KANK4: variants seen among roughly 807,000 people sequenced by gnomAD.
KANK4 encodes KN motif and ankyrin repeat domains 4, also known as KN motif and ankyrin repeat domain-containing protein 4.
In KANK4, 50 loss-of-function variants were observed where a neutral mutation model predicts 80.8. The observed-to-expected ratio is 0.62, with a 90% CI of 0.49 to 0.78. The LOEUF is 0.78. KANK4 is among the 30% of genes least tolerant of loss of function. The pLI, the probability that KANK4 is intolerant of heterozygous loss-of-function variation, is 0.00. For synonymous variants in KANK4, 465 were observed against 506.9 expected, an observed-to-expected ratio of 0.92 and a Z score of 1.11; for missense variants, 1,196 against 1,240.1, an observed-to-expected ratio of 0.96 and a Z score of 0.53.
Position 62,273,231 on chromosome 1 carries a change from G to T in KANK4, c.1873C>A (p.Pro625Thr). Residue 625 changes from proline (P) to threonine (T), a missense_variant, in exon 3 of 10, where the codon CCG becomes ACG. Pro to Thr is a conservative substitution (Grantham distance 38). Transcript: ENST00000371153. ...ACTGGCGGGGAGGAGGAGGAGGCCG[G>T]TGGCTCCTTGGGTGGGTGAGCCTGG... ...SAQAHPPKEP[P>T]ASSSSPPVEI... 2 of 1,518,190 alleles carry T rather than the reference G, an allele frequency of 1.3e-6. No individual in the cohort carries two copies. The highest frequency in any genetic ancestry group is 1.3e-5 in the South Asian group (1 of 75,576). 94.0% of individuals were successfully genotyped at this position (1,518,190 alleles called of 1,614,324 possible). A position where few individuals can be genotyped will look rare whatever the true frequency, so the allele number is the denominator to read the frequency against.
chr1:62,253,345 A>G (rs903057419), intron 7 of KANK4, 136 bp from the exon 8 acceptor site: 15 of 631,504 alleles, frequency 2.4e-5, no homozygotes, highest in African/African-American at 2.3e-4. Context: ...AGCTGGAGCC[A>G]GTGGTTTACA....
intron 1 of KANK4, among the ~76,000 whole-genome samples, chr1:62,288,339 G>A (rs1672612788): frequency 6.6e-6 from 1 of 152,226 alleles, no homozygotes; most frequent in Non-Finnish European, 1.5e-5. Flanking sequence ...TGGGGGCTAG[G>A]CCAGAGGGGA....
chr1:62,280,947 A>G (rs1011608447), intron 2 of KANK4, among the ~76,000 whole-genome samples: 2 of 152,044 alleles, frequency 1.3e-5, no homozygotes, highest in African/African-American at 4.8e-5. Context: ...AGACTGGAAC[A>G]TTATCTGCAC....
At chr1:62,271,387 C>T in intron 4 of KANK4, 91 bp downstream of exon 4, 1 of 862,874 alleles carries the variant, frequency 1.2e-6, no homozygotes, top group Admixed American at 1.9e-5. Context: ...GAATGAAAAC[C>T]AGATGCCTCC....
chr1:62,260,095 TCTC>T (rs10549488), intron 7 of KANK4, among the ~76,000 whole-genome samples: 9,278 of 152,238 alleles, frequency 0.061, 428 homozygotes, highest in East Asian at 0.16. Flanking sequence ...ACCTCCCTGC[TCTC>T]CTCAACATCT....
intron 4 of KANK4, 134 bp from the exon 5 acceptor site, chr1:62,268,639 G>T: frequency 1.4e-6 from 1 of 703,864 alleles, no homozygotes; most frequent in South Asian, 1.7e-5. Context: ...TACACCTGCC[G>T]GCAGGGTGAC....
At chr1:62,250,421 A>G (rs1365792620) in intron 8 of KANK4, among the ~76,000 whole-genome samples, 2 of 152,240 alleles carry the variant, frequency 1.3e-5, no homozygotes, top group African/African-American at 4.8e-5. Context: ...GAGCATTTAT[A>G]GAGAGCTACT....
At chr1:62,296,369 C>T (rs182024808) in intron 1 of KANK4, among the ~76,000 whole-genome samples, 259 of 152,250 alleles carry the variant, frequency 1.7e-3, no homozygotes, top group African/African-American at 5.7e-3. Flanking sequence ...CTCTCTCTGG[C>T]CCCTTCATTG....
chr1:62,307,811 T>C (rs1644465355), intron 1 of KANK4, among the ~76,000 whole-genome samples: 1 of 152,166 alleles, frequency 6.6e-6, no homozygotes, highest in African/African-American at 2.4e-5. Flanking sequence ...TAAAATCTGA[T>C]TTTTAAATGT....
chr1:62,276,523 C>A (rs1201620495), intron 2 of KANK4, among the ~76,000 whole-genome samples: 1 of 152,030 alleles, frequency 6.6e-6, no homozygotes, highest in Non-Finnish European at 1.5e-5. Context: ...TGCCTGTAAT[C>A]CCAGCTCTTT....
At chr1:62,242,322 A>C (rs1671361784) in intron 9 of KANK4, among the ~76,000 whole-genome samples, 1 of 129,078 alleles carries the variant, frequency 7.7e-6, no homozygotes, top group Non-Finnish European at 1.6e-5. Flanking sequence ...TGATCGTGCC[A>C]CTGCACTCCA....
chr1:62,239,314 A>G lies in KANK4; in HGVS notation c.2884-933T>C, dbSNP rs574832331. On this transcript the variant is annotated intron_variant, in intron 9 of 9. Coordinates refer to ENST00000371153, the MANE Select transcript of KANK4 (RefSeq NM_181712.5). ...ATGATATGCTATAAGATGTTTCTCT[A>G]TTCTTACATAGCCATTATAATGCAT... Among the ~76,000 whole-genome samples the G allele has an allele frequency of 5.9e-5, 9 of 152,166 alleles. No individual in the cohort carries two copies. In the East Asian group the frequency reaches 1.2e-3, roughly 20 times the overall value.
At position 62,274,042 on chromosome 1, in the gene KANK4, TC is replaced by T. The variant is rs1672240570; in HGVS notation, c.1061del (p.Gly354GlufsTer38). On this transcript the variant is annotated frameshift_variant, in exon 3 of 10. Transcript: ENST00000371153. LOFTEE classifies it high-confidence loss of function. ...SLKQQVSALE[G>X]ELSGRTEELA... ...GTTCCTCGGTTCTTCCAGACAACTCTCCCTCCAGGGCCGAGACCTGCTGTTT... is the reference window on the plus strand; with the variant it reads ...GTTCCTCGGTTCTTCCAGACAACTCTCCTCCAGGGCCGAGACCTGCTGTTT... The T allele has an allele frequency of 6.2e-7, 1 of 1,614,038 alleles. No homozygotes were observed.
intron 9 of KANK4, among the ~76,000 whole-genome samples, chr1:62,240,394 G>T (rs1170506989): frequency 6.6e-6 from 1 of 152,174 alleles, no homozygotes. Flanking sequence ...CAGAGGCTGG[G>T]TGCAGTGGCT....
At position 62,273,543 on chromosome 1, in the gene KANK4, C is replaced by T. The variant is rs375561479; in HGVS notation, c.1561G>A (p.Gly521Ser). Residue 521 changes from glycine (G) to serine (S), a missense_variant, in exon 3 of 10, where the codon GGC becomes AGC. By Grantham distance (56) the Gly-to-Ser change is moderately conservative. This residue lies in a region of KANK4 where 1,154 missense variants were observed against 1,179.6 expected (regional missense o/e 0.98). Coordinates refer to ENST00000371153, the MANE Select transcript of KANK4 (RefSeq NM_181712.5). ...TTTCTGTCGCTGCCCCACAGAAAGC[C>T]TCCTGCTCCCCTGGTTCCTCCCTGA... ...GPQGGTRGAG[G>S]FLWGSDRKTP... The T allele has an allele frequency of 6.2e-7, 1 of 1,613,486 alleles. No individual in the cohort carries two copies. Among genetic ancestry groups the T allele is most frequent in the African/African-American group, 1.3e-5 (1 of 74,910 alleles).
chr1:62,267,810 A>AAG lies in KANK4; in HGVS notation c.2231+476_2231+477insCT, dbSNP rs1387885309. ...GTGCAAGACTCCGTCTCAAAAAAAA[A>AAG]AAAAAAGACACATCACTTTAAAAGC... is the stretch of plus-strand genomic sequence containing the variant. On this transcript the variant is annotated intron_variant, in intron 5 of 9. Coordinates refer to ENST00000371153, the MANE Select transcript of KANK4 (RefSeq NM_181712.5). Among the ~76,000 whole-genome samples, 5 of 151,734 alleles carry AAG rather than the reference A, an allele frequency of 3.3e-5. No homozygotes were observed. In the South Asian group the frequency reaches 1.0e-3, roughly 32 times the overall value.
chr1:62,286,582 G>A (rs1381247618), intron 1 of KANK4, among the ~76,000 whole-genome samples: 2 of 152,154 alleles, frequency 1.3e-5, no homozygotes, highest in Non-Finnish European at 2.9e-5. Flanking sequence ...TGACTCCTCC[G>A]AATCTGGCAG....
At chr1:62,240,559 C>T (rs1671312242) in intron 9 of KANK4, among the ~76,000 whole-genome samples, 2 of 152,126 alleles carry the variant, frequency 1.3e-5, no homozygotes, top group Admixed American at 6.5e-5. Flanking sequence ...ACCCCAGCTA[C>T]TTGGGAGGCT....
In KANK4 at chr1:62,263,263, G is replaced by A. The variant is rs377030665; in HGVS notation, c.2368C>T (p.Arg790Trp). The change falls in exon 7 of 10, where the codon CGG becomes TGG. Residue 790 changes from arginine to tryptophan, a missense_variant. Physicochemically the swap from Arg to Trp is moderately radical, Grantham distance 101. This residue lies in a region of KANK4 where 1,154 missense variants were observed against 1,179.6 expected (regional missense o/e 0.98). Transcript: ENST00000371153. ...ACCACGGCGGGGCTAGACGACTTCC[G>A]GCTGGAGACGCGGAACCACTCTTGA... ...ISQEWFRVSS[R>W]KSSSPAVVAS... is the part of the protein sequence containing the mutation. 3 of 1,613,244 alleles carry A rather than the reference G, an allele frequency of 1.9e-6. No homozygotes were observed. Among genetic ancestry groups the A allele is most frequent in the Non-Finnish European group, 2.5e-6 (3 of 1,179,790 alleles).
Sources: gnomAD v4.1 joint callset for allele counts (sites outside exome capture counted in the v4.1 genomes callset) on GRCh38, gnomAD v4.1.1 for gene constraint, gnomAD v4.1.1 regional missense constraint, MANE v1.5 for transcripts, NCBI Gene and HGNC (gene_info 2026-07-23, HGNC 2026-07-21) for gene names.